KCP: variants seen among roughly 807,000 people sequenced by gnomAD.
KCP encodes the protein kielin/chordin-like protein.
KCP carries 194 observed loss-of-function variants against 212.7 expected under a neutral mutation model. The ratio of observed to expected loss-of-function variants is 0.91; its 90% CI spans 0.81 to 1.03. KCP has a LOEUF of 1.03. Among genes scored for constraint, KCP ranks in the 50% least tolerant of loss-of-function variants. The pLI is 0.00. For missense variants in KCP, 2,080 were observed against 2,162.5 expected (o/e 0.96, Z 0.76); for synonymous variants, 833 against 865.3 (o/e 0.96, Z 0.65).
chr7:128,889,987 G>A, intron 21 of KCP: 1 of 221,826 alleles, frequency 4.5e-6, no homozygotes, highest in Non-Finnish European at 8.9e-6. Flanking sequence ...GGAGTGCAGT[G>A]GTGAAAACAC....
chr7:128,910,544 G>A (rs756071779), intron 1 of KCP, 57 bp downstream of exon 1: 21 of 1,452,694 alleles, frequency 1.4e-5, no homozygotes, highest in Non-Finnish European at 1.4e-5. Context: ...AGGCCGGGCT[G>A]ATAGGAGGGA....
In KCP at chr7:128,891,791, C is replaced by T. The variant is rs1794163626; in HGVS notation, c.1650G>A (p.Val550=). 1.4e-6 allele frequency: 2 copies of T among 1,449,778 alleles called. No homozygotes were observed. The highest frequency in any genetic ancestry group is 1.8e-6 in the Non-Finnish European group (2 of 1,099,158). The allele number at this position is 1,449,778 out of a possible 1,614,324, so 89.8% of individuals were successfully genotyped here. A position where few individuals can be genotyped will look rare whatever the true frequency, so the allele number is the denominator to read the frequency against. Residue 550 remains valine, a synonymous_variant, in exon 17 of 40, where the codon GTG becomes GTA. Transcript: ENST00000610776. ...GGGGGTGGGAGAAGCTCTCGCCGTCCACAAACACCTCTTCCTCCAGGATGC... is the reference window on the plus strand; with the variant it reads ...GGGGGTGGGAGAAGCTCTCGCCGTCTACAAACACCTCTTCCTCCAGGATGC... The part of the protein sequence containing the change: ...PDCILEEEVF[V]DGESFSHPRD...
rs1449437027 is a variant in KCP at position 128,879,999 on chromosome 7, A to G, written c.3846T>C (p.His1282=). 1 of 1,550,394 alleles carries G rather than the reference A, an allele frequency of 6.4e-7. No individual in the cohort carries two copies. The part of the protein sequence containing the change: ...PASCMAFGDP[H]YRTFDGRLLH... ...GCAGGCGGCCGTCGAAGGTGCGGTAATGGGGGTCTCCGAAGGCCATGCAGG... is the reference window on the plus strand; with the variant it reads ...GCAGGCGGCCGTCGAAGGTGCGGTAGTGGGGGTCTCCGAAGGCCATGCAGG... Residue 1282 remains histidine, a synonymous_variant, in exon 35 of 40, where the codon CAT becomes CAC. Transcript: ENST00000610776.
rs919468447 is a variant in KCP at position 128,907,354 on chromosome 7, C to A, written c.319G>T (p.Ala107Ser). 26 of 1,542,514 alleles carry A rather than the reference C, an allele frequency of 1.7e-5. No individual in the cohort carries two copies. Among genetic ancestry groups the A allele is most frequent in the Middle Eastern group, 1.7e-4 (1 of 5,932 alleles). ...GTGCAGGCGTCAGGCTCCCAGCGTG[C>A]CCCCTCGGGCCAGGCACGCCCCAGC... is the stretch of plus-strand genomic sequence containing the variant. ...WGLGRAWPEG[A>S]RWEPDACTAC... The change falls in exon 3 of 40, where the codon GCA (alanine) becomes TCA (serine). Residue 107 changes from alanine to serine, a missense_variant. Transcript: ENST00000610776.
At position 128,892,506 on chromosome 7, in the gene KCP, C is replaced by T. The variant is rs959326807; in HGVS notation, c.1621+8G>A. 1.1e-4 allele frequency: 159 copies of T among 1,512,566 alleles called. No individual in the cohort carries two copies. Among genetic ancestry groups the T allele is most frequent in the Non-Finnish European group, 1.3e-4 (148 of 1,124,218 alleles). The allele number at this position is 1,512,566 out of a possible 1,614,324, so 93.7% of individuals were successfully genotyped here. ...TGATCCCCTCAGGCCCAGTGAGTGC[C>T]CACATACCTGGGCACCTGGGGCAAC... On this transcript the variant is annotated splice_region_variant and intron_variant, in intron 16 of 39. Transcript: ENST00000610776.
At position 128,907,303 on chromosome 7, in the gene KCP, C is replaced by A. The variant is rs200617573; in HGVS notation, c.370G>T (p.Ala124Ser). 2.5e-5 allele frequency: 39 copies of A among 1,537,510 alleles called. No homozygotes were observed. Among genetic ancestry groups the A allele is most frequent in the Non-Finnish European group, 3.3e-5 (37 of 1,136,228 alleles). ...CTACVCQDGA[A>S]HCGPQAHLPH... The stretch of plus-strand genomic sequence containing the variant: ...AGGTGTGCTTGGGGGCCACAGTGAG[C>A]GGCCCCATCCTGGCAGACGCAGGCT... The change falls in exon 3 of 40, where the codon GCT becomes TCT. Residue 124 changes from alanine (A) to serine (S), a missense_variant. Coordinates refer to ENST00000610776, the MANE Select transcript of KCP (RefSeq NM_001366122.1).
chr7:128,910,431 C>T (rs1348387719), intron 1 of KCP, among the ~76,000 whole-genome samples, 170 bp downstream of exon 1: 2 of 152,272 alleles, frequency 1.3e-5, no homozygotes, highest in Non-Finnish European at 2.9e-5. Context: ...TGGTCTTCCC[C>T]ACCCTGCTCG....
chr7:128,908,240 GAAGAAAGAAAGAAGAAAGA>G (rs1160878859), intron 2 of KCP, among the ~76,000 whole-genome samples, 167 bp downstream of exon 2: 3,241 of 70,838 alleles, frequency 0.046, 90 homozygotes, highest in East Asian at 0.12. Flanking sequence ...AAGAAGAAAG[GAAGAAAGAAAGAAGAAAGA>G]AAGAAAGAAA....
intron 3 of KCP, 32 bp from the exon 4 acceptor site, chr7:128,907,209 C>T: frequency 6.5e-7 from 1 of 1,546,008 alleles, no homozygotes; most frequent in Non-Finnish European, 8.8e-7. Context: ...TCAAGCACCC[C>T]ATGCCATCTG....
intron 29 of KCP, 114 bp from the exon 30 acceptor site, chr7:128,882,130 C>G (rs1020528614): frequency 5.7e-6 from 4 of 704,352 alleles, no homozygotes; most frequent in Non-Finnish European, 9.8e-6. Context: ...CTGAGCATAC[C>G]CATATCCCAG....
intron 8 of KCP, among the ~76,000 whole-genome samples, chr7:128,896,280 G>C (rs73461520): frequency 6.6e-6 from 1 of 152,046 alleles, no homozygotes; most frequent in African/African-American, 2.4e-5. Context: ...TAGAGGCCCA[G>C]CTTAGGGGAA....
intron 37 of KCP, 153 bp from the exon 38 acceptor site, chr7:128,878,875 C>A: frequency 1.3e-6 from 1 of 755,236 alleles, no homozygotes; most frequent in Non-Finnish European, 2.1e-6. Context: ...AGAAACACCA[C>A]CCTGGCCAAG....
intron 22 of KCP, 38 bp downstream of exon 22, chr7:128,888,825 C>A: frequency 1.3e-6 from 2 of 1,534,542 alleles, no homozygotes; most frequent in South Asian, 1.2e-5. Context: ...ACCCCGGGAG[C>A]CCCAGCAGGG....
At position 128,906,499 on chromosome 7, in the gene KCP, C is replaced by T; in HGVS notation, c.487-136G>A. The T allele has an allele frequency of 4.3e-6, 3 of 695,452 alleles. No individual in the cohort carries two copies. In the South Asian group the frequency reaches 4.9e-5, roughly 11 times the overall value. The allele number at this position is 695,452 out of a possible 1,614,324, so 43.1% of individuals were successfully genotyped here. A position where few individuals can be genotyped will look rare whatever the true frequency, so the allele number is the denominator to read the frequency against. ...AGTTGGCTCTGTGGATGTGGGCTAC[C>T]CTCTGTGTAAAGGCAGAAAAGAGAC... On this transcript the variant is annotated intron_variant, in intron 4 of 39. Transcript: ENST00000610776.
At chr7:128,907,870 T>C (rs1379784495) in intron 2 of KCP, among the ~76,000 whole-genome samples, 1 of 152,114 alleles carries the variant, frequency 6.6e-6, no homozygotes, top group Non-Finnish European at 1.5e-5. Flanking sequence ...GGCTCACACC[T>C]GTAATCCCAG....
Position 128,904,153 on chromosome 7 carries a change from AG to A in KCP, c.572-16del. ...ATAATCACAGCCTGGGAAGGTTGGC[AG>A]GATGACAAGTGGGTCACCAGGCAGC... On this transcript the variant is annotated splice_polypyrimidine_tract_variant and intron_variant, in intron 5 of 39. Transcript: ENST00000610776. 6.4e-7 allele frequency: 1 copy of A among 1,550,994 alleles called. No individual in the cohort carries two copies. Among genetic ancestry groups the A allele is most frequent in the Admixed American group, 2.0e-5 (1 of 51,010 alleles).
intron 26 of KCP, among the ~76,000 whole-genome samples, chr7:128,885,600 G>A (rs1793602179): frequency 6.6e-6 from 1 of 152,138 alleles, no homozygotes; most frequent in African/African-American, 2.4e-5. Context: ...CCAGGTGAAT[G>A]GCTCCATCGC....
chr7:128,878,606 A>G lies in KCP; in HGVS notation c.4263T>C (p.Pro1421=), dbSNP rs901015480. The change falls in exon 38 of 40, where the codon CCT becomes CCC. Residue 1421 remains proline (P), a synonymous_variant. Transcript: ENST00000610776. ...NGFAQDDLQG[P]EGLLLPSEAA... ...CCTCCGAGGGCAGGAGCAGCCCCTC[A>G]GGGCCCTGCAGATCGTCCTGGGCAA... 24 of 1,551,414 alleles carry G rather than the reference A, an allele frequency of 1.5e-5. No homozygotes were observed. Among genetic ancestry groups the G allele is most frequent in the Admixed American group, 9.8e-5 (5 of 50,980 alleles).
intron 4 of KCP, 81 bp from the exon 5 acceptor site, chr7:128,906,444 G>C: frequency 1.0e-6 from 1 of 983,244 alleles, no homozygotes. Context: ...CTCAGCCCAG[G>C]CTGGGACATG....
Sources: gnomAD v4.1 joint callset for allele counts (sites outside exome capture counted in the v4.1 genomes callset) on GRCh38, gnomAD v4.1.1 for gene constraint, MANE v1.5 for transcripts, NCBI Gene and HGNC (gene_info 2026-07-23, HGNC 2026-07-21) for gene names.